ERCC8: variants seen among roughly 807,000 people sequenced by gnomAD.
ERCC8 encodes ERCC excision repair 8, CSA ubiquitin ligase complex subunit, also known as DNA excision repair protein ERCC-8.
Under a neutral mutation model 54.9 loss-of-function variants are expected in ERCC8, and 52 were observed. That is an observed-to-expected ratio of 0.95 (90% CI 0.76 to 1.19). The LOEUF is 1.19. Ranked by LOEUF, ERCC8 falls within the 50% of genes most tolerant of loss-of-function variation. The pLI is 0.00. For missense variants in ERCC8, 514 were observed against 466.1 expected, an observed-to-expected ratio of 1.10 and a Z score of -0.95; for synonymous variants, 146 against 157.2, an observed-to-expected ratio of 0.93 and a Z score of 0.53.
chr5:60,930,861 C>G (rs1158440328), intron 1 of ERCC8, among the ~76,000 whole-genome samples: 1 of 152,094 alleles, frequency 6.6e-6, no homozygotes, highest in Non-Finnish European at 1.5e-5. Context: ...AATCCCAGCA[C>G]TTTGGGAGGC....
At chr5:60,916,564 G>A (rs1749442191) in intron 4 of ERCC8, among the ~76,000 whole-genome samples, 1 of 151,852 alleles carries the variant, frequency 6.6e-6, no homozygotes, top group South Asian at 2.1e-4. Flanking sequence ...GAAAGGTCAT[G>A]ACATTCATTT....
Position 60,938,090 on chromosome 5 carries a change from AT to A in ERCC8, c.77+6841del, listed in dbSNP as rs1353584586. Among the ~76,000 whole-genome samples the A allele has an allele frequency of 2.5e-3, 54 of 21,822 alleles. 1 individual carries two copies. Among genetic ancestry groups the A allele is most frequent in the Non-Finnish European group, 4.6e-3 (44 of 9,592 alleles). 14.3% of individuals were successfully genotyped at this position (21,822 alleles called of 152,430 possible). On this transcript the variant is annotated intron_variant, in intron 1 of 11. Coordinates refer to ENST00000676185, the MANE Select transcript of ERCC8 (RefSeq NM_000082.4). ...ATATATATATATATATATATATTTT[AT>A]TTTTTTTTTTTTTAGGTTACGAAGT... is the stretch of plus-strand genomic sequence containing the variant.
intron 11 of ERCC8, among the ~76,000 whole-genome samples, chr5:60,876,251 T>C (rs1273753837): frequency 2.6e-5 from 4 of 152,226 alleles, no homozygotes. Context: ...GGTATATATG[T>C]GCCACATTTT....
At chr5:60,941,246 A>C (rs1750249061) in intron 1 of ERCC8, among the ~76,000 whole-genome samples, 2 of 152,196 alleles carry the variant, frequency 1.3e-5, no homozygotes, top group African/African-American at 4.8e-5. Context: ...GACATAAATA[A>C]AAGCCAAATG....
intron 11 of ERCC8, among the ~76,000 whole-genome samples, chr5:60,887,106 T>C (rs1336981404): frequency 6.6e-6 from 1 of 152,268 alleles, no homozygotes; most frequent in African/African-American, 2.4e-5. Context: ...AAAATGTTAA[T>C]ATTGATTAAT....
intron 2 of ERCC8, among the ~76,000 whole-genome samples, chr5:60,925,487 A>G (rs1749720748): frequency 6.6e-6 from 1 of 152,170 alleles, no homozygotes; most frequent in Admixed American, 6.5e-5. Context: ...CATATCTACA[A>G]TTAGAGTATG....
chr5:60,887,974 G>T (rs1183395473), intron 10 of ERCC8, among the ~76,000 whole-genome samples: 1 of 152,178 alleles, frequency 6.6e-6, no homozygotes, highest in Admixed American at 6.5e-5. Flanking sequence ...TTCAACAGAA[G>T]AGCTTGAAGA....
chr5:60,926,706 A>G (rs1023759593), intron 2 of ERCC8, among the ~76,000 whole-genome samples: 5 of 152,252 alleles, frequency 3.3e-5, no homozygotes, highest in Admixed American at 3.3e-4. Flanking sequence ...GTTTGGACAC[A>G]GTTGTGAGTT....
chr5:60,880,789 A>T (rs989176883), intron 11 of ERCC8, among the ~76,000 whole-genome samples: 2 of 151,712 alleles, frequency 1.3e-5, no homozygotes, highest in African/African-American at 4.8e-5. Context: ...AAGGTTTTTA[A>T]CTTCTTTGCC....
chr5:60,940,415 T>G (rs2112549776), intron 1 of ERCC8, among the ~76,000 whole-genome samples: 1 of 152,370 alleles, frequency 6.6e-6, no homozygotes, highest in East Asian at 1.9e-4. Context: ...TTCTCACTTC[T>G]GAGCCCAGAC....
intron 3 of ERCC8, 100 bp downstream of exon 3, chr5:60,921,954 T>C: frequency 1.3e-6 from 1 of 752,052 alleles, no homozygotes; most frequent in Non-Finnish European, 2.3e-6. Context: ...AACCATTCGC[T>C]TGACCCATTC....
intron 11 of ERCC8, among the ~76,000 whole-genome samples, chr5:60,881,368 C>A (rs1748216570): frequency 6.6e-6 from 1 of 152,156 alleles, no homozygotes; most frequent in South Asian, 2.1e-4. Context: ...GCTGGGAGAA[C>A]CACTATTCTC....
intron 11 of ERCC8, among the ~76,000 whole-genome samples, chr5:60,879,899 C>A (rs1202312597): frequency 6.6e-6 from 1 of 152,186 alleles, no homozygotes; most frequent in Non-Finnish European, 1.5e-5. Context: ...TGAATTTGAT[C>A]CTGTCATGAT....
Position 60,872,263 on chromosome 5 carries a change from C to T in ERCC8, c.*2352G>A, listed in dbSNP as rs1380618433. On this transcript the variant is annotated 3_prime_UTR_variant, in exon 12 of 12. Transcript: ENST00000676185. Reference sequence around the variant, plus strand: ...GTCTGGGCAATGATTTTTTTGGATACGATCTCAAAAGCACAGTAACAAAAG... The same window carrying T: ...GTCTGGGCAATGATTTTTTTGGATATGATCTCAAAAGCACAGTAACAAAAG... Among the ~76,000 whole-genome samples, 1 of 151,916 alleles carries T rather than the reference C, an allele frequency of 6.6e-6. No homozygotes were observed. The highest frequency in any genetic ancestry group is 2.1e-4 in the South Asian group (1 of 4,816).
chr5:60,899,663 G>C lies in ERCC8; in HGVS notation c.682C>G (p.Gln228Glu), dbSNP rs755468016. 16 of 1,611,874 alleles carry C rather than the reference G, an allele frequency of 9.9e-6. No individual in the cohort carries two copies. The Admixed American group carries it at 2.3e-4, about 24-fold the overall frequency. Reference sequence around the variant, plus strand: ...GCTTGTGACTTTTTCCCATTATGTTGATCAAGAGTAATCAAACATCCTGAT... The same window carrying C: ...GCTTGTGACTTTTTCCCATTATGTTCATCAAGAGTAATCAAACATCCTGAT... ...RASGCLITLD[Q>E]HNGKKSQAVE... The change falls in exon 8 of 12, where the codon CAA becomes GAA. Residue 228 changes from glutamine to glutamate, a missense_variant. Physicochemically the swap from Gln to Glu is conservative, Grantham distance 29. Transcript: ENST00000676185.
At chr5:60,889,146 C>A (rs1748477386) in intron 10 of ERCC8, among the ~76,000 whole-genome samples, 1 of 152,176 alleles carries the variant, frequency 6.6e-6, no homozygotes, top group African/African-American at 2.4e-5. Flanking sequence ...GAAGTGATGT[C>A]CCATAACTGG....
intron 11 of ERCC8, among the ~76,000 whole-genome samples, chr5:60,884,828 A>G (rs1414716734): frequency 6.6e-6 from 1 of 152,098 alleles, no homozygotes; most frequent in Non-Finnish European, 1.5e-5. Flanking sequence ...TGAACATGAC[A>G]TTTTAAAAGG....
chr5:60,933,005 G>C (rs1442473640), intron 1 of ERCC8, among the ~76,000 whole-genome samples: 1 of 152,028 alleles, frequency 6.6e-6, no homozygotes, highest in Non-Finnish European at 1.5e-5. Context: ...GTTATTAATA[G>C]CTAGCATTCA....
intron 10 of ERCC8, among the ~76,000 whole-genome samples, chr5:60,888,898 AT>A (rs1229249602): frequency 6.6e-6 from 1 of 152,208 alleles, no homozygotes; most frequent in Non-Finnish European, 1.5e-5. Context: ...ATGTTTCATT[AT>A]TTGTTCCAAT....
Sources: gnomAD v4.1 joint callset for allele counts (sites outside exome capture counted in the v4.1 genomes callset) on GRCh38, gnomAD v4.1.1 for gene constraint, MANE v1.5 for transcripts, NCBI Gene and HGNC (gene_info 2026-07-23, HGNC 2026-07-21) for gene names.